Variants in AHNAK observed in about 807,000 individuals in gnomAD.
The protein encoded by AHNAK is AHNAK nucleoprotein.
Under a neutral mutation model 37.8 loss-of-function variants are expected in AHNAK, and 23 were observed. The observed-to-expected ratio is 0.61, with a 90% CI of 0.44 to 0.86. The LOEUF (loss-of-function observed/expected upper bound fraction) is 0.86, where lower values mean the gene tolerates loss of function less well. Ranked by LOEUF, AHNAK falls within the 40% of genes least tolerant of loss-of-function variation. The probability of loss-of-function intolerance (pLI) is 0.00; values close to 1 mark genes in which losing one functional copy is unlikely to be tolerated. For missense variants in AHNAK, 7,411 were observed against 7,319.4 expected (o/e 1.01, Z -0.46); for synonymous variants, 2,481 against 2,636.3 (o/e 0.94, Z 1.80).
chr11:62,529,348 T>C lies in AHNAK; in HGVS notation c.5069A>G (p.Lys1690Arg). The change falls in exon 5 of 5, where the codon AAA (lysine) becomes AGA (arginine). Residue 1690 changes from lysine to arginine, a missense_variant. Physicochemically the swap from Lys to Arg is conservative, Grantham distance 26. Coordinates refer to ENST00000378024, the MANE Select transcript of AHNAK (RefSeq NM_001620.3). ...GGCATCAATGTCCACTTTGGGCCCT[T>C]TAATGTCAACATCTGGCACTTTCAT... Reference protein sequence around the residue: ...GEMKVPDVDIKGPKVDIDAPD... With the variant: ...GEMKVPDVDIRGPKVDIDAPD... The C allele has an allele frequency of 6.2e-7, 1 of 1,614,010 alleles. No homozygotes were observed. Among genetic ancestry groups the C allele is most frequent in the Admixed American group, 1.7e-5 (1 of 60,008 alleles).
Position 62,522,905 on chromosome 11 carries a change from G to T in AHNAK, c.11512C>A (p.Pro3838Thr). The T allele has an allele frequency of 6.2e-7, 1 of 1,612,456 alleles. No individual in the cohort carries two copies. ...TCTGGAACATCAATGTCCACCTTGGGTCCTGAGACATCAAGGTCAGCCTTG... is the reference window on the plus strand; with the variant it reads ...TCTGGAACATCAATGTCCACCTTGGTTCCTGAGACATCAAGGTCAGCCTTG... Reference protein sequence around the residue: ...LPKADLDVSGPKVDIDVPDVN... With the variant: ...LPKADLDVSGTKVDIDVPDVN... Residue 3838 changes from proline to threonine, a missense_variant, in exon 5 of 5, where the codon CCC (proline) becomes ACC (threonine). Physicochemically the swap from Pro to Thr is conservative, Grantham distance 38 (BLOSUM62 -1). Coordinates refer to ENST00000378024, the MANE Select transcript of AHNAK (RefSeq NM_001620.3).
intron 5 of AHNAK, among the ~76,000 whole-genome samples, chr11:62,478,523 T>C (rs1180560189): frequency 1.3e-5 from 2 of 152,020 alleles, no homozygotes; most frequent in African/African-American, 2.4e-5. Flanking sequence ...GAGATGGAGA[T>C]TGCTTGAGCC....
intron 4 of AHNAK, among the ~76,000 whole-genome samples, chr11:62,499,613 C>G (rs372374298): frequency 6.6e-6 from 1 of 152,186 alleles, no homozygotes; most frequent in South Asian, 2.1e-4. Context: ...CCTAGCCACT[C>G]CTCCATCTCC....
intron 1 of AHNAK, among the ~76,000 whole-genome samples, chr11:62,542,676 A>C (rs1941167130): frequency 6.6e-6 from 1 of 151,844 alleles, no homozygotes; most frequent in African/African-American, 2.4e-5. Flanking sequence ...GCCAGGAGGG[A>C]CTCTGCAATC....
intron 5 of AHNAK, among the ~76,000 whole-genome samples, chr11:62,460,987 A>ATTTTTTTTTTTTTT (rs58443970): frequency 2.9e-5 from 3 of 103,632 alleles, no homozygotes; most frequent in African/African-American, 3.8e-5. Flanking sequence ...GGCCTGGCTA[A>ATTTTTTTTTTTTTT]TTTTTTTTTT....
At chr11:62,535,324 G>C in intron 3 of AHNAK, 134 bp from the exon 4 acceptor site, 1 of 781,442 alleles carries the variant, frequency 1.3e-6, no homozygotes, top group Non-Finnish European at 2.0e-6. Flanking sequence ...AATACCCATT[G>C]TACAGACACG....
rs550883675 is a variant in AHNAK at position 62,494,329 on chromosome 11, T to C, written c.343-2498A>G. Among the ~76,000 whole-genome samples, 284 of 152,240 alleles carry C rather than the reference T, an allele frequency of 1.9e-3. 1 individual carries two copies. Among genetic ancestry groups the C allele is most frequent in the Middle Eastern group, 6.8e-3 (2 of 294 alleles). On this transcript the variant is annotated intron_variant, in intron 4 of 5. Transcript: ENST00000257247. ...ATTTCAATTGTTCAGTTTCTAGTTA[T>C]AAAATGAAACTCAGAATAAGTCCAA...
chr11:62,540,671 A>T (rs548675144), intron 1 of AHNAK, among the ~76,000 whole-genome samples: 2 of 152,274 alleles, frequency 1.3e-5, no homozygotes, highest in East Asian at 1.9e-4. Flanking sequence ...TATTTTTTTT[A>T]AATAAAAAAA....
At chr11:62,540,817 C>T (rs1941099979) in intron 1 of AHNAK, among the ~76,000 whole-genome samples, 1 of 152,184 alleles carries the variant, frequency 6.6e-6, no homozygotes, top group African/African-American at 2.4e-5. Context: ...GACTGTAATT[C>T]AGGCCAGAAG....
chr11:62,442,240 G>A (rs1938321148), intron 5 of AHNAK, among the ~76,000 whole-genome samples: 1 of 152,232 alleles, frequency 6.6e-6, no homozygotes, highest in East Asian at 1.9e-4. Context: ...AAATGATTAA[G>A]GTTTTCAAAA....
At position 62,520,085 on chromosome 11, in the gene AHNAK, G is replaced by A. The variant is rs1940176946; in HGVS notation, c.14332C>T (p.Leu4778=). 2 of 1,612,408 alleles carry A rather than the reference G, an allele frequency of 1.2e-6. No individual in the cohort carries two copies. The highest frequency in any genetic ancestry group is 1.7e-6 in the Non-Finnish European group (2 of 1,179,616). ...DVDVHGPDWH[L]KMPKVKMPKF... is the part of the protein sequence containing the mutation. Reference sequence around the variant, plus strand: ...GGCATTTTCACCTTGGGCATCTTCAGGTGCCAGTCTGGGCCATGAACATCC... The same window carrying A: ...GGCATTTTCACCTTGGGCATCTTCAAGTGCCAGTCTGGGCCATGAACATCC... The change falls in exon 5 of 5, where the codon CTG becomes TTG. Residue 4778 remains leucine, a synonymous_variant. Coordinates refer to ENST00000378024, the MANE Select transcript of AHNAK (RefSeq NM_001620.3).
chr11:62,516,744 C>T lies in AHNAK; in HGVS notation c.17673G>A (p.Ter5891=), dbSNP rs143307019. The T allele has an allele frequency of 4.5e-5, 73 of 1,606,824 alleles. No homozygotes were observed. In the African/African-American group the frequency reaches 9.2e-4, roughly 20 times the overall value. Reference sequence around the variant, plus strand: ...ATATGTACACACATACAAAGGCCTGCTACTCTTTCTTTGTGGAAACTGACA... The same window carrying T: ...ATATGTACACACATACAAAGGCCTGTTACTCTTTCTTTGTGGAAACTGACA... ...VELSVSTKKE[*] The change falls in exon 5 of 5, where the codon TAG becomes TAA. Residue 5891 remains the stop codon, a stop_retained_variant. Coordinates refer to ENST00000378024, the MANE Select transcript of AHNAK (RefSeq NM_001620.3).
intron 5 of AHNAK, among the ~76,000 whole-genome samples, chr11:62,435,604 G>T (rs1329903642): frequency 2.0e-5 from 3 of 152,082 alleles, no homozygotes; most frequent in Non-Finnish European, 4.4e-5. Flanking sequence ...TAGTACAGAC[G>T]GGGTTTCACC....
At chr11:62,437,483 T>C (rs1218855438) in intron 5 of AHNAK, among the ~76,000 whole-genome samples, 1 of 150,296 alleles carries the variant, frequency 6.7e-6, no homozygotes, top group Non-Finnish European at 1.5e-5. Flanking sequence ...GCCTCCTGAG[T>C]ACCTAGGATT....
Position 62,532,368 on chromosome 11 carries a change from G to A in AHNAK, c.2049C>T (p.Pro683=), listed in dbSNP as rs148509197. 28 of 1,614,074 alleles carry A rather than the reference G, an allele frequency of 1.7e-5. No individual in the cohort carries two copies. In the Admixed American group the frequency reaches 2.5e-4, roughly 14 times the overall value. ...CACTCATATCAGGCAGCTTAACATC[G>A]GGGCCTTTAAGTTTTCCCCCCAGAC... ...LEGLGGKLKG[P]DVKLPDMSVK... The change falls in exon 5 of 5, where the codon CCC becomes CCT. Residue 683 remains proline, a synonymous_variant. Coordinates refer to ENST00000378024, the MANE Select transcript of AHNAK (RefSeq NM_001620.3).
At chr11:62,498,659 A>G (rs1939658414) in intron 4 of AHNAK, among the ~76,000 whole-genome samples, 1 of 151,518 alleles carries the variant, frequency 6.6e-6, no homozygotes, top group Non-Finnish European at 1.5e-5. Context: ...TGCCTTTAGT[A>G]AGAGCTACTC....
At position 62,515,912 on chromosome 11, in the gene AHNAK, T is replaced by C. The variant is rs1282247672; in HGVS notation, c.*832A>G. On this transcript the variant is annotated 3_prime_UTR_variant, in exon 5 of 5. Transcript: ENST00000378024. The stretch of plus-strand genomic sequence containing the variant: ...CAAAGGCACAAGACATCAAGGTTAA[T>C]AAACAGCTTTATTTGCCTTGTACAG... 1 of 1,150,870 alleles carries C rather than the reference T, an allele frequency of 8.7e-7. No homozygotes were observed. The highest frequency in any genetic ancestry group is 1.1e-6 in the Non-Finnish European group (1 of 921,360). 71.3% of individuals were successfully genotyped at this position (1,150,870 alleles called of 1,614,324 possible).
intron 4 of AHNAK, among the ~76,000 whole-genome samples, chr11:62,505,828 G>T (rs913322173): frequency 2.0e-5 from 3 of 149,368 alleles, no homozygotes; most frequent in African/African-American, 7.4e-5. Flanking sequence ...TCTTTCTCTC[G>T]TTTCCCCCCT....
Position 62,529,624 on chromosome 11 carries a change from T to G in AHNAK, c.4793A>C (p.Asp1598Ala). 6.2e-7 allele frequency: 1 copy of G among 1,614,166 alleles called. No homozygotes were observed. Among genetic ancestry groups the G allele is most frequent in the Non-Finnish European group, 8.5e-7 (1 of 1,180,038 alleles). ...LKAPKLKTDV[D>A]VSLPKVEGDL... ...TCCTTCCACTTTGGGAAGGGAAACATCTACATCAGTTTTCAGTTTAGGGGC... is the reference window on the plus strand; with the variant it reads ...TCCTTCCACTTTGGGAAGGGAAACAGCTACATCAGTTTTCAGTTTAGGGGC... The change falls in exon 5 of 5, where the codon GAT becomes GCT. Residue 1598 changes from aspartate to alanine, a missense_variant. Transcript: ENST00000378024.
Sources: allele counts gnomAD v4.1 joint callset (sites outside exome capture counted in the v4.1 genomes callset), GRCh38; gene constraint gnomAD v4.1.1; transcripts MANE v1.5; gene names NCBI Gene and HGNC (gene_info 2026-07-23, HGNC 2026-07-21).